CSPP1: variants seen among roughly 807,000 people sequenced by gnomAD.
CSPP1 encodes centrosome and spindle pole associated protein 1.
In CSPP1, 126 loss-of-function variants were observed where a neutral mutation model predicts 164.4. The ratio of observed to expected loss-of-function variants is 0.77; its 90% CI spans 0.66 to 0.89. CSPP1 has a LOEUF of 0.89. Ranked by LOEUF, CSPP1 falls within the 40% of genes least tolerant of loss-of-function variation. CSPP1 has a pLI of 0.00. For synonymous variants in CSPP1, 472 were observed against 476.7 expected, an observed-to-expected ratio of 0.99 and a Z score of 0.13; for missense variants, 1,395 against 1,449.8, an observed-to-expected ratio of 0.96 and a Z score of 0.61.
intron 15 of CSPP1, among the ~76,000 whole-genome samples, chr8:67,130,982 C>T (rs1279836488): frequency 6.6e-6 from 1 of 151,928 alleles, no homozygotes; most frequent in Non-Finnish European, 1.5e-5. Context: ...GAGTGAAACT[C>T]CGTCTCAAAA....
At chr8:67,097,748 A>T (rs2129546000) in intron 7 of CSPP1, among the ~76,000 whole-genome samples, 1 of 151,952 alleles carries the variant, frequency 6.6e-6, no homozygotes, top group Admixed American at 6.5e-5. Context: ...TTATACATGA[A>T]CTAACAAATG....
At chr8:67,085,210 A>G (rs1367864824) in intron 3 of CSPP1, among the ~76,000 whole-genome samples, 1 of 152,128 alleles carries the variant, frequency 6.6e-6, no homozygotes, top group East Asian at 1.9e-4. Context: ...ACTTAATGCC[A>G]CTGAATTGAA....
chr8:67,115,186 CT>C (rs1417012382), intron 12 of CSPP1: 1 of 152,176 alleles, frequency 6.6e-6, no homozygotes, highest in African/African-American at 2.4e-5. Context: ...TTTGCTGACC[CT>C]GTTTTACAGA....
rs147133471 is a variant in CSPP1, at chr8:67,189,606, T to C, written c.3221-1044T>C. On this transcript the variant is annotated intron_variant, in intron 28 of 30. Transcript: ENST00000678616. ...TATATGTTAAACAATGATAGTGTTG[T>C]ATAAATGTTAAATTTTCTGAATGTT... Among the ~76,000 whole-genome samples, 756 of 152,348 alleles carry C rather than the reference T, an allele frequency of 5.0e-3. 11 individuals carry two copies. The highest frequency in any genetic ancestry group is 0.018 in the African/African-American group (728 of 41,576).
chr8:67,080,786 G>T (rs1327902147), intron 3 of CSPP1: 1 of 152,186 alleles, frequency 6.6e-6, no homozygotes, highest in African/African-American at 2.4e-5. Flanking sequence ...GGTCTGGGAC[G>T]GTCCAAACAT....
intron 9 of CSPP1, among the ~76,000 whole-genome samples, chr8:67,107,085 T>C (rs187871848): frequency 6.6e-6 from 1 of 152,210 alleles, no homozygotes; most frequent in Non-Finnish European, 1.5e-5. Context: ...TTTCGCTCTA[T>C]CACTGAGGCT....
chr8:67,104,966 ATTTTTTTTTTT>A (rs1166551719), intron 8 of CSPP1, among the ~76,000 whole-genome samples: 3 of 60,746 alleles, frequency 4.9e-5, no homozygotes, highest in South Asian at 6.3e-4. Context: ...ATATATATAT[ATTTTTTTTTTT>A]TTTTTTTTTT....
At chr8:67,105,810 CTAA>C (rs1815385346) in intron 8 of CSPP1, 92 bp from the exon 9 acceptor site, 1 of 708,262 alleles carries the variant, frequency 1.4e-6, no homozygotes, top group Admixed American at 2.2e-5. Context: ...CTTTGAAAGG[CTAA>C]TAATTCATAG....
At chr8:67,074,113 T>C in intron 1 of CSPP1, 130 bp from the exon 2 acceptor site, 1 of 552,632 alleles carries the variant, frequency 1.8e-6, no homozygotes, top group Non-Finnish European at 3.2e-6. Context: ...ATATTTATGA[T>C]CAATCTTAAG....
At chr8:67,093,720 T>G in intron 6 of CSPP1, 79 bp downstream of exon 6, 10 of 789,074 alleles carry the variant, frequency 1.3e-5, no homozygotes, top group Non-Finnish European at 1.8e-5. Flanking sequence ...CTTTTTCTAT[T>G]TTAGACATTT....
chr8:67,129,738 T>C, intron 15 of CSPP1, among the ~76,000 whole-genome samples: 1 of 152,350 alleles, frequency 6.6e-6, no homozygotes, highest in East Asian at 1.9e-4. Context: ...AATGTTATGC[T>C]AAATGAATCT....
At chr8:67,095,812 A>G (rs1022170409) in intron 7 of CSPP1, 80 bp downstream of exon 7, 45 of 852,676 alleles carry the variant, frequency 5.3e-5, no homozygotes, top group Admixed American at 3.6e-4. Context: ...ACTTTTTATC[A>G]TTATACTAGG....
chr8:67,102,568 G>A (rs1333266352), intron 7 of CSPP1, among the ~76,000 whole-genome samples: 1 of 151,952 alleles, frequency 6.6e-6, no homozygotes. Flanking sequence ...CCAGCCTGGC[G>A]ACACAGCAAG....
At chr8:67,186,705 G>A (rs758201761) in intron 28 of CSPP1, among the ~76,000 whole-genome samples, 3 of 152,134 alleles carry the variant, frequency 2.0e-5, no homozygotes, top group Non-Finnish European at 4.4e-5. Context: ...GAAATAAAAG[G>A]TGTGATTGGA....
At chr8:67,129,604 C>G (rs1820798794) in intron 15 of CSPP1, among the ~76,000 whole-genome samples, 2 of 152,092 alleles carry the variant, frequency 1.3e-5, no homozygotes, top group South Asian at 4.1e-4. Flanking sequence ...AAAGTGGAAA[C>G]AATTCAAGTG....
At position 67,159,961 on chromosome 8, in the gene CSPP1, C is replaced by CTT. The variant is rs1332293384; in HGVS notation, c.2538+827_2538+828dup. On this transcript the variant is annotated intron_variant, in intron 21 of 30. Coordinates refer to ENST00000678616, the MANE Select transcript of CSPP1 (RefSeq NM_001382391.1). ...TCCTTCCTTCCTTCCTTCCTTCTTT[C>CTT]TTTTCTTTTCTTTTCTTTTCTTTTC... 2.1e-4 allele frequency among the ~76,000 whole-genome samples: 6 copies of CTT among 29,250 alleles called. 1 individual carries two copies. Among genetic ancestry groups the CTT allele is most frequent in the African/African-American group, 7.1e-4 (3 of 4,234 alleles). The allele number at this position is 29,250 out of a possible 152,430, so 19.2% of individuals were successfully genotyped here. A position where few individuals can be genotyped will look rare whatever the true frequency, so the allele number is the denominator to read the frequency against.
chr8:67,134,363 T>G (rs1360846553), intron 16 of CSPP1: 1 of 152,184 alleles, frequency 6.6e-6, no homozygotes, highest in Non-Finnish European at 1.5e-5. Context: ...TTCTTGTATA[T>G]CTAGCTCTTG....
chr8:67,175,571 G>A (rs1831414727), intron 26 of CSPP1, 135 bp downstream of exon 26: 1 of 1,003,798 alleles, frequency 1.0e-6, no homozygotes, highest in Non-Finnish European at 1.5e-6. Flanking sequence ...GGTCCGTTTG[G>A]TCTGTAGTAC....
At chr8:67,151,145 A>G (rs958793200) in intron 18 of CSPP1, among the ~76,000 whole-genome samples, 29 of 152,160 alleles carry the variant, frequency 1.9e-4, no homozygotes, top group African/African-American at 6.5e-4. Flanking sequence ...GAGATGGATT[A>G]TTTACCGTTT....
Sources: allele counts gnomAD v4.1 joint callset (sites outside exome capture counted in the v4.1 genomes callset), GRCh38; gene constraint gnomAD v4.1.1; transcripts MANE v1.5; gene names NCBI Gene and HGNC (gene_info 2026-07-23, HGNC 2026-07-21).